APPBP2: variants seen among roughly 807,000 people sequenced by gnomAD.
The protein encoded by APPBP2 is amyloid protein-binding protein 2.
In APPBP2, 15 loss-of-function variants were observed where a neutral mutation model predicts 76.0. That is an observed-to-expected ratio of 0.20 (90% CI 0.13 to 0.30). The LOEUF (loss-of-function observed/expected upper bound fraction) is 0.30, where lower values mean the gene tolerates loss of function less well. Ranked by LOEUF, APPBP2 falls within the 10% of genes least tolerant of loss-of-function variation. The pLI is 1.00. For missense variants in APPBP2, 401 were observed against 687.2 expected (o/e 0.58, Z 4.66); for synonymous variants, 222 against 242.2 (o/e 0.92, Z 0.77).
intron 2 of APPBP2, among the ~76,000 whole-genome samples, chr17:60,497,484 T>G (rs2090785969): frequency 6.6e-6 from 1 of 152,240 alleles, no homozygotes; most frequent in African/African-American, 2.4e-5. Flanking sequence ...TTTTAATAAC[T>G]GAAAGAATAT....
intron 2 of APPBP2, 38 bp downstream of exon 2, chr17:60,500,356 TTTATG>T: frequency 7.4e-7 from 1 of 1,351,360 alleles, no homozygotes; most frequent in Non-Finnish European, 1.0e-6. Flanking sequence ...AATGGTAAAT[TTTATG>T]TTATGTATAT....
At chr17:60,510,210 C>T (rs1383731858) in intron 1 of APPBP2, among the ~76,000 whole-genome samples, 4 of 151,786 alleles carry the variant, frequency 2.6e-5, no homozygotes, top group Non-Finnish European at 2.9e-5. Flanking sequence ...TGAGACCAGC[C>T]GGGGCAATGT....
At chr17:60,485,175 GT>G (rs2090663599) in intron 3 of APPBP2, among the ~76,000 whole-genome samples, 1 of 151,924 alleles carries the variant, frequency 6.6e-6, no homozygotes, top group Non-Finnish European at 1.5e-5. Context: ...CTCTTTTTTT[GT>G]TGTGTCTCTG....
intron 2 of APPBP2, among the ~76,000 whole-genome samples, chr17:60,495,509 T>A (rs1350286667): frequency 6.6e-6 from 1 of 151,718 alleles, no homozygotes; most frequent in Admixed American, 6.6e-5. Flanking sequence ...TCCTGCTCTG[T>A]CATCCAGGCT....
intron 1 of APPBP2, among the ~76,000 whole-genome samples, chr17:60,503,327 T>C (rs1176380689): frequency 6.8e-6 from 1 of 146,258 alleles, no homozygotes; most frequent in Non-Finnish European, 1.5e-5. Context: ...CACATTTAAA[T>C]TGACGGGAAA....
intron 3 of APPBP2, among the ~76,000 whole-genome samples, chr17:60,490,173 C>T (rs992156910): frequency 3.3e-5 from 5 of 152,288 alleles, no homozygotes; most frequent in Admixed American, 1.3e-4. Flanking sequence ...GACACACATA[C>T]AAACAAATGA....
At chr17:60,462,372 T>G (rs1481597298) in intron 6 of APPBP2, 1 of 246,758 alleles carries the variant, frequency 4.1e-6, no homozygotes, top group Non-Finnish European at 7.6e-6. Flanking sequence ...AATAAAACAA[T>G]GGGGGCAGAA....
chr17:60,524,131 G>A (rs1207758651), intron 1 of APPBP2, among the ~76,000 whole-genome samples: 1 of 152,108 alleles, frequency 6.6e-6, no homozygotes, highest in Non-Finnish European at 1.5e-5. Flanking sequence ...TCTAACAAAA[G>A]CACCATCTAT....
Position 60,447,438 on chromosome 17 carries a change from G to T in APPBP2, c.*143C>A. The T allele has an allele frequency of 1.2e-6, 1 of 856,742 alleles. No individual in the cohort carries two copies. The highest frequency in any genetic ancestry group is 1.8e-6 in the Non-Finnish European group (1 of 564,856). 53.1% of individuals were successfully genotyped at this position (856,742 alleles called of 1,614,324 possible). On this transcript the variant is annotated 3_prime_UTR_variant, in exon 13 of 13. Coordinates refer to ENST00000083182, the MANE Select transcript of APPBP2 (RefSeq NM_006380.5). ...ATTCCTACAGACATTCTGCAAGATA[G>T]GGATCACCCAAAATAGGGTCTTCAA...
At chr17:60,492,737 G>A (rs1323078750) in intron 3 of APPBP2, among the ~76,000 whole-genome samples, 2 of 152,168 alleles carry the variant, frequency 1.3e-5, no homozygotes, top group East Asian at 3.8e-4. Flanking sequence ...ACTTGCTTTT[G>A]ATTTTACAGG....
intron 1 of APPBP2, among the ~76,000 whole-genome samples, chr17:60,505,425 C>T (rs2090858677): frequency 6.6e-6 from 1 of 152,246 alleles, no homozygotes; most frequent in Non-Finnish European, 1.5e-5. Flanking sequence ...ACGCCATTCT[C>T]CTGCCTCAGC....
Position 60,443,782 on chromosome 17 carries a change from A to AG in APPBP2, c.*3798dup, listed in dbSNP as rs1273252814. On this transcript the variant is annotated 3_prime_UTR_variant, in exon 13 of 13. Transcript: ENST00000083182. ...CATGTGCACTTCAACAAACTCACTA[A>AG]GGCCACTCATGCTATAGATACCTAG... 6.6e-6 allele frequency: 1 copy of AG among 152,624 alleles called. No homozygotes were observed. Among genetic ancestry groups the AG allele is most frequent in the Non-Finnish European group, 1.5e-5 (1 of 68,046 alleles). The allele number at this position is 152,624 out of a possible 1,614,324, so 9.5% of individuals were successfully genotyped here.
chr17:60,466,221 A>T, intron 5 of APPBP2, 70 bp downstream of exon 5: 2 of 1,378,560 alleles, frequency 1.5e-6, no homozygotes, highest in Non-Finnish European at 2.0e-6. Context: ...ATAAGAGAAG[A>T]CTATTTGATT....
intron 1 of APPBP2, among the ~76,000 whole-genome samples, chr17:60,507,334 GC>G (rs1448694126): frequency 2.6e-5 from 4 of 151,536 alleles, no homozygotes; most frequent in African/African-American, 9.7e-5. Flanking sequence ...TGGTTCTCGT[GC>G]CTCAGTCTCC....
intron 12 of APPBP2, among the ~76,000 whole-genome samples, chr17:60,451,463 GTATTT>G (rs751175119): frequency 2.6e-5 from 4 of 151,810 alleles, no homozygotes; most frequent in Admixed American, 1.3e-4. Context: ...AAATATTTTA[GTATTT>G]TATTTTATTT....
intron 3 of APPBP2, among the ~76,000 whole-genome samples, chr17:60,492,911 A>G (rs1317760486): frequency 6.6e-6 from 1 of 152,186 alleles, no homozygotes; most frequent in African/African-American, 2.4e-5. Context: ...GTGGAATGAT[A>G]TGATTTGGCT....
chr17:60,495,020 T>C (rs2090762970), intron 2 of APPBP2, among the ~76,000 whole-genome samples: 3 of 149,556 alleles, frequency 2.0e-5, no homozygotes, highest in African/African-American at 7.3e-5. Flanking sequence ...AGTCTCACTC[T>C]GTTATCCAGG....
chr17:60,524,866 CAAGG>C (rs2091039019), intron 1 of APPBP2, among the ~76,000 whole-genome samples: 1 of 152,198 alleles, frequency 6.6e-6, no homozygotes, highest in Non-Finnish European at 1.5e-5. Context: ...GGATTCAAGA[CAAGG>C]AAGACTGAAT....
At chr17:60,490,347 A>G (rs1202185909) in intron 3 of APPBP2, among the ~76,000 whole-genome samples, 2 of 152,154 alleles carry the variant, frequency 1.3e-5, no homozygotes, top group Non-Finnish European at 2.9e-5. Flanking sequence ...ACTCTTTTGC[A>G]ACTTCCTATG....
Sources: allele counts gnomAD v4.1 joint callset (sites outside exome capture counted in the v4.1 genomes callset), GRCh38; gene constraint gnomAD v4.1.1; transcripts MANE v1.5; gene names NCBI Gene and HGNC (gene_info 2026-07-23, HGNC 2026-07-21).